ADK: variants seen among roughly 807,000 people sequenced by gnomAD.
ADK encodes the protein N6,N6-dimethyladenosine kinase.
In ADK, 24 loss-of-function variants were observed where a neutral mutation model predicts 44.7. The ratio of observed to expected loss-of-function variants is 0.54; its 90% confidence interval spans 0.39 to 0.76. The LOEUF (loss-of-function observed/expected upper bound fraction) is 0.76, where lower values mean the gene tolerates loss of function less well. Ranked by LOEUF, ADK falls within the 30% of genes least tolerant of loss-of-function variation. The pLI, the probability that ADK is intolerant of heterozygous loss-of-function variation, is 0.00. For synonymous variants in ADK, 128 were observed against 142.6 expected (o/e 0.90, Z 0.73); for missense variants, 321 against 425.1 (o/e 0.76, Z 2.15).
chr10:74,151,384 C>T, intron 1 of ADK, 41 bp downstream of exon 1: 4 of 1,547,028 alleles, frequency 2.6e-6, no homozygotes, highest in South Asian at 1.2e-5. Context: ...GACGGCGCTG[C>T]AAGCAAGCCA....
At chr10:74,330,301 A>AC (rs1396408342) in intron 4 of ADK, among the ~76,000 whole-genome samples, 1 of 152,132 alleles carries the variant, frequency 6.6e-6, no homozygotes, top group Non-Finnish European at 1.5e-5. Flanking sequence ...AGTCCCTGCT[A>AC]CTCAGGAGGT....
chr10:74,229,963 C>T (rs920974920), intron 3 of ADK, among the ~76,000 whole-genome samples: 3 of 151,804 alleles, frequency 2.0e-5, no homozygotes, highest in Admixed American at 1.3e-4. Context: ...TGCTTGAGAC[C>T]AGGAGGTCCA....
chr10:74,690,588 T>G (rs958092506), intron 10 of ADK, among the ~76,000 whole-genome samples: 1 of 152,242 alleles, frequency 6.6e-6, no homozygotes, highest in Admixed American at 6.5e-5. Context: ...GACCTTTGAC[T>G]ATATTGCAAA....
chr10:74,238,517 C>T (rs1182624199), intron 3 of ADK, among the ~76,000 whole-genome samples: 1 of 152,016 alleles, frequency 6.6e-6, no homozygotes, highest in Non-Finnish European at 1.5e-5. Flanking sequence ...TTACCTTGTG[C>T]ACTAAAAAAA....
At chr10:74,568,926 C>G (rs1229956223) in intron 7 of ADK, among the ~76,000 whole-genome samples, 2 of 146,438 alleles carry the variant, frequency 1.4e-5, no homozygotes, top group African/African-American at 5.0e-5. Flanking sequence ...TCCCTCCCCC[C>G]TCCCCCAACC....
rs565675850 is a variant in ADK at position 74,456,118 on chromosome 10, TAGAC to T, written c.555+57543_555+57546del. ...GACTTTAACACCCCACTGTTAATAT[TAGAC>T]AGATCAACGAGACAGAAAATTAACA... On this transcript the variant is annotated intron_variant, in intron 6 of 10. Coordinates refer to ENST00000539909, the MANE Select transcript of ADK (RefSeq NM_006721.4). Among the ~76,000 whole-genome samples, 20 of 152,200 alleles carry T rather than the reference TAGAC, an allele frequency of 1.3e-4. No homozygotes were observed. The South Asian group carries it at 3.9e-3, about 30-fold the overall frequency.
At chr10:74,195,864 A>C (rs1843125981) in intron 1 of ADK, among the ~76,000 whole-genome samples, 1 of 151,264 alleles carries the variant, frequency 6.6e-6, no homozygotes, top group African/African-American at 2.4e-5. Context: ...TTTTGTAGAG[A>C]TGGAGTCTCG....
intron 3 of ADK, among the ~76,000 whole-genome samples, chr10:74,244,237 A>T (rs1487888386): frequency 6.6e-6 from 1 of 152,234 alleles, no homozygotes; most frequent in African/African-American, 2.4e-5. Context: ...CATAAGGTAA[A>T]TTTAGAAAAT....
chr10:74,321,482 C>A lies in ADK; in HGVS notation c.273+6737C>A, dbSNP rs959153896. ...ACTTTTTTGTAGAGATTGGGTTTTGCCATATTAACCGGGCTGGTCTTGAAC... is the reference window on the plus strand; with the variant it reads ...ACTTTTTTGTAGAGATTGGGTTTTGACATATTAACCGGGCTGGTCTTGAAC... On this transcript the variant is annotated intron_variant, in intron 4 of 10. Transcript: ENST00000539909. Among the ~76,000 whole-genome samples the A allele has an allele frequency of 2.0e-5, 3 of 151,856 alleles. No individual in the cohort carries two copies. The East Asian group carries it at 5.8e-4, about 29-fold the overall frequency.
At chr10:74,371,097 C>G (rs1842643635) in intron 4 of ADK, among the ~76,000 whole-genome samples, 1 of 152,066 alleles carries the variant, frequency 6.6e-6, no homozygotes, top group Admixed American at 6.5e-5. Context: ...TATATACTAG[C>G]TATTGCAACT....
At chr10:74,502,451 G>T (rs112184941) in intron 6 of ADK, among the ~76,000 whole-genome samples, 1 of 151,936 alleles carries the variant, frequency 6.6e-6, no homozygotes, top group African/African-American at 2.4e-5. Flanking sequence ...AATCACAGAA[G>T]GCACCTATAT....
rs1299701188 is a variant in ADK at position 74,303,586 on chromosome 10, TTG to T, written c.195-11079_195-11078del. Among the ~76,000 whole-genome samples, 277 of 86,082 alleles carry T rather than the reference TTG, an allele frequency of 3.2e-3. 54 individuals are homozygous for T. Among genetic ancestry groups the T allele is most frequent in the Non-Finnish European group, 5.8e-3 (209 of 35,936 alleles). 56.5% of individuals were successfully genotyped at this position (86,082 alleles called of 152,430 possible). Reference sequence around the variant, plus strand: ...AACACTTTTCATATTGGTTTTAATGTTGTTTTTTTTTTTTTTTTTTTTTTTTT... The same window carrying T: ...AACACTTTTCATATTGGTTTTAATGTTTTTTTTTTTTTTTTTTTTTTTTTT... On this transcript the variant is annotated intron_variant, in intron 3 of 10. Transcript: ENST00000539909.
intron 2 of ADK, among the ~76,000 whole-genome samples, chr10:74,216,566 A>T (rs1262078278): frequency 6.6e-6 from 1 of 151,784 alleles, no homozygotes; most frequent in East Asian, 1.9e-4. Flanking sequence ...TTCTACTTAA[A>T]ATACGAAAAT....
At chr10:74,441,225 T>C (rs1452540529) in intron 6 of ADK, among the ~76,000 whole-genome samples, 2 of 152,174 alleles carry the variant, frequency 1.3e-5, no homozygotes, top group Non-Finnish European at 2.9e-5. Context: ...CCATGTGAGC[T>C]TTATCTTAAC....
At chr10:74,201,289 C>G (rs559103901) in intron 2 of ADK, among the ~76,000 whole-genome samples, 1 of 152,278 alleles carries the variant, frequency 6.6e-6, no homozygotes, top group South Asian at 2.1e-4. Flanking sequence ...ATATGAAGCT[C>G]TGCTGTTTCC....
chr10:74,217,677 C>G (rs1184760731), intron 2 of ADK, among the ~76,000 whole-genome samples: 1 of 152,160 alleles, frequency 6.6e-6, no homozygotes, highest in Non-Finnish European at 1.5e-5. Context: ...GACAAAACTT[C>G]CAGAGGAACG....
chr10:74,522,622 A>T (rs1450595760), intron 6 of ADK, among the ~76,000 whole-genome samples: 1 of 152,180 alleles, frequency 6.6e-6, no homozygotes, highest in African/African-American at 2.4e-5. Context: ...GAAATTTGAA[A>T]GTAATATTTT....
intron 7 of ADK, among the ~76,000 whole-genome samples, chr10:74,541,203 C>T (rs1473199029): frequency 6.6e-6 from 1 of 151,538 alleles, no homozygotes; most frequent in Non-Finnish European, 1.5e-5. Flanking sequence ...CTAGTAGAGA[C>T]GGGGTTTCGC....
At chr10:74,444,267 A>C (rs1845520881) in intron 6 of ADK, among the ~76,000 whole-genome samples, 1 of 152,158 alleles carries the variant, frequency 6.6e-6, no homozygotes, top group African/African-American at 2.4e-5. Context: ...TAGGTAGGAA[A>C]CCCAGTACCT....
Sources: allele counts gnomAD v4.1 joint callset (sites outside exome capture counted in the v4.1 genomes callset), GRCh38; gene constraint gnomAD v4.1.1; transcripts MANE v1.5; gene names NCBI Gene and HGNC (gene_info 2026-07-23, HGNC 2026-07-21).